The following NKAIN2 variants were observed in gnomAD, a reference collection of about 807,000 sequenced individuals.
NKAIN2 encodes the protein sodium/potassium transporting ATPase interacting 2, also known as sodium/potassium-transporting ATPase subunit beta-1-interacting protein 2.
In NKAIN2, 14 loss-of-function variants were observed where a neutral mutation model predicts 32.6. The ratio of observed to expected loss-of-function variants is 0.43; its 90% CI spans 0.28 to 0.67. The LOEUF (loss-of-function observed/expected upper bound fraction) is 0.67. Among genes scored for constraint, NKAIN2 ranks in the 30% least tolerant of loss-of-function variants. The pLI is 0.17. For synonymous variants in NKAIN2, 80 were observed against 87.2 expected (o/e 0.92, Z 0.46); for missense variants, 198 against 258.3 (o/e 0.77, Z 1.60).
rs1244403338 is a variant in NKAIN2, at chr6:124,728,318, C to T, written c.475-63021C>T. 1.5e-3 allele frequency among the ~76,000 whole-genome samples: 130 copies of T among 85,528 alleles called. 17 individuals are homozygous for T. The highest frequency in any genetic ancestry group is 5.7e-3 in the African/African-American group (124 of 21,680). The allele number at this position is 85,528 out of a possible 152,430, so 56.1% of individuals were successfully genotyped here. A position where few individuals can be genotyped will look rare whatever the true frequency, so the allele number is the denominator to read the frequency against. On this transcript the variant is annotated intron_variant, in intron 4 of 6. Transcript: ENST00000368417. ...CCACATACTTGGAAGTAAAGCTCTC[C>T]TCAGCATATGTAAAAGAAGAGAAAT...
intron 3 of NKAIN2, among the ~76,000 whole-genome samples, chr6:124,388,831 T>C (rs1283981506): frequency 6.6e-6 from 1 of 152,044 alleles, no homozygotes; most frequent in Non-Finnish European, 1.5e-5. Flanking sequence ...TTTAGTGCCA[T>C]TTTTGGCATT....
At chr6:124,409,814 A>G (rs999123896) in intron 3 of NKAIN2, among the ~76,000 whole-genome samples, 32 of 152,120 alleles carry the variant, frequency 2.1e-4, no homozygotes, top group Admixed American at 1.2e-3. Context: ...CTGTGAATCC[A>G]TCTGGTCCTG....
intron 3 of NKAIN2, among the ~76,000 whole-genome samples, chr6:124,603,362 T>G (rs895243407): frequency 6.6e-6 from 1 of 151,990 alleles, no homozygotes; most frequent in Non-Finnish European, 1.5e-5. Context: ...TATTCAGCTT[T>G]GATACTAATA....
At chr6:124,498,968 G>T (rs997662920) in intron 3 of NKAIN2, among the ~76,000 whole-genome samples, 1 of 151,986 alleles carries the variant, frequency 6.6e-6, no homozygotes, top group Non-Finnish European at 1.5e-5. Context: ...GGGTTTTGCT[G>T]TGTTGCCCAG....
chr6:124,491,962 TACTC>T (rs1777880881), intron 3 of NKAIN2, among the ~76,000 whole-genome samples: 1 of 151,980 alleles, frequency 6.6e-6, no homozygotes, highest in Non-Finnish European at 1.5e-5. Context: ...AGAAATGCGT[TACTC>T]AGTAGTAGCA....
intron 1 of NKAIN2, among the ~76,000 whole-genome samples, chr6:123,860,700 A>G (rs1187166438): frequency 6.6e-6 from 1 of 152,172 alleles, no homozygotes; most frequent in African/African-American, 2.4e-5. Context: ...GTGAGCCACC[A>G]TGCGTGGCAA....
chr6:124,191,117 G>A (rs1328240093), intron 1 of NKAIN2, among the ~76,000 whole-genome samples: 1 of 152,134 alleles, frequency 6.6e-6, no homozygotes, highest in Non-Finnish European at 1.5e-5. Flanking sequence ...GAACATTACA[G>A]TATCATACAA....
chr6:124,418,315 G>A (rs1424037985), intron 3 of NKAIN2, among the ~76,000 whole-genome samples: 2 of 151,968 alleles, frequency 1.3e-5, no homozygotes, highest in Non-Finnish European at 2.9e-5. Flanking sequence ...TAGCTTTCTT[G>A]TTCTGAACAC....
intron 2 of NKAIN2, among the ~76,000 whole-genome samples, chr6:124,315,216 C>A (rs114163041): frequency 6.6e-6 from 1 of 152,038 alleles, no homozygotes; most frequent in South Asian, 2.1e-4. Flanking sequence ...ATCAACAAGT[C>A]TTGCATCTTG....
intron 3 of NKAIN2, among the ~76,000 whole-genome samples, chr6:124,439,838 C>T (rs910029756): frequency 5.9e-5 from 9 of 151,904 alleles, no homozygotes; most frequent in Non-Finnish European, 1.0e-4. Context: ...TTCTGGTCCC[C>T]GCACTTCATC....
At chr6:124,650,168 T>A (rs946375700) in intron 3 of NKAIN2, among the ~76,000 whole-genome samples, 2 of 152,206 alleles carry the variant, frequency 1.3e-5, no homozygotes, top group Non-Finnish European at 2.9e-5. Flanking sequence ...GAGAAGGAAA[T>A]AAAGTTACAC....
chr6:123,830,283 A>C (rs1170121455), intron 1 of NKAIN2, among the ~76,000 whole-genome samples: 2 of 152,132 alleles, frequency 1.3e-5, no homozygotes. Context: ...GAGCATTTAA[A>C]ATGCATTTTA....
rs1486188679 is a variant in NKAIN2, at chr6:123,837,289, T to G, written c.54+33035T>G. ...ACTTTTAAGATTGTGTAAGCAAACC[T>G]GCTATGTCAAATAGGATTTCCAATT... On this transcript the variant is annotated intron_variant, in intron 1 of 6. Transcript: ENST00000368417. Among the ~76,000 whole-genome samples the G allele has an allele frequency of 3.3e-5, 5 of 152,142 alleles. No homozygotes were observed. In the East Asian group the frequency reaches 9.6e-4, roughly 29 times the overall value.
intron 1 of NKAIN2, among the ~76,000 whole-genome samples, chr6:123,895,401 G>A (rs1255257391): frequency 6.6e-6 from 1 of 152,056 alleles, no homozygotes; most frequent in Admixed American, 6.6e-5. Context: ...TTCACCATTA[G>A]GTTACTACTG....
At chr6:124,258,265 A>G (rs1794051637) in intron 1 of NKAIN2, among the ~76,000 whole-genome samples, 1 of 152,046 alleles carries the variant, frequency 6.6e-6, no homozygotes, top group Non-Finnish European at 1.5e-5. Flanking sequence ...CACTCACACA[A>G]CTCTGTAGAT....
chr6:124,282,897 AC>A, intron 1 of NKAIN2, 107 bp from the exon 2 acceptor site: 7 of 911,228 alleles, frequency 7.7e-6, no homozygotes, highest in South Asian at 1.6e-5. Context: ...AGATATGGTA[AC>A]ACAGTTATAA....
chr6:124,062,425 T>C (rs899354686), intron 1 of NKAIN2, among the ~76,000 whole-genome samples: 36 of 152,054 alleles, frequency 2.4e-4, no homozygotes, highest in African/African-American at 8.4e-4. Context: ...GTTTTTGTTG[T>C]TGTTATTGTT....
chr6:123,814,160 G>A (rs1275879911), intron 1 of NKAIN2, among the ~76,000 whole-genome samples: 1 of 152,074 alleles, frequency 6.6e-6, no homozygotes, highest in African/African-American at 2.4e-5. Context: ...GGGGTGGAGG[G>A]ATGGGTGGAA....
At chr6:124,580,324 A>T (rs1470272065) in intron 3 of NKAIN2, among the ~76,000 whole-genome samples, 1 of 152,218 alleles carries the variant, frequency 6.6e-6, no homozygotes, top group African/African-American at 2.4e-5. Context: ...AGATATAAGT[A>T]GAAACAACAA....
Sources: allele counts gnomAD v4.1 joint callset (sites outside exome capture counted in the v4.1 genomes callset), GRCh38; gene constraint gnomAD v4.1.1; transcripts MANE v1.5; gene names NCBI Gene and HGNC (gene_info 2026-07-23, HGNC 2026-07-21).